ITGA11: variants seen among roughly 807,000 people sequenced by gnomAD.
ITGA11 encodes integrin subunit alpha 11.
In ITGA11, 97 loss-of-function variants were observed where a neutral mutation model predicts 141.9. The observed-to-expected ratio is 0.68, with a 90% confidence interval of 0.58 to 0.81. The LOEUF is 0.81. Among genes scored for constraint, ITGA11 ranks in the 30% least tolerant of loss-of-function variants. The pLI is 0.00. For synonymous variants in ITGA11, 658 were observed against 624.6 expected (o/e 1.05, Z -0.80); for missense variants, 1,387 against 1,559.2 (o/e 0.89, Z 1.86).
intron 16 of ITGA11, 109 bp downstream of exon 16, chr15:68,327,987 G>A (rs1282684834): frequency 1.3e-5 from 14 of 1,108,914 alleles, no homozygotes; most frequent in South Asian, 8.0e-5. Context: ...GCTCTTGGGC[G>A]ACCTGGCACT....
Position 68,321,807 on chromosome 15 carries a change from G to A in ITGA11, c.2323-304C>T, listed in dbSNP as rs957863997. Among the ~76,000 whole-genome samples the A allele has an allele frequency of 6.6e-6, 1 of 152,176 alleles. No individual in the cohort carries two copies. Among genetic ancestry groups the A allele is most frequent in the African/African-American group, 2.4e-5 (1 of 41,422 alleles). On this transcript the variant is annotated intron_variant, in intron 18 of 29. Transcript: ENST00000315757. The surrounding 1 kb of genome is among the most constrained non-coding windows in gnomAD (Gnocchi z 4.9). ...ATTTATTGATCATCTACTGTGTGTGGGCAAGGGCTTTGGTACTGGGGATAC... is the reference window on the plus strand; with the variant it reads ...ATTTATTGATCATCTACTGTGTGTGAGCAAGGGCTTTGGTACTGGGGATAC...
chr15:68,343,646 C>T (rs931430580), intron 10 of ITGA11, among the ~76,000 whole-genome samples: 1 of 152,122 alleles, frequency 6.6e-6, no homozygotes, highest in African/African-American at 2.4e-5. Flanking sequence ...TGGGAGACCC[C>T]TAGAGGACAC....
At chr15:68,329,554 T>C (rs1894087664) in intron 15 of ITGA11, among the ~76,000 whole-genome samples, 1 of 152,242 alleles carries the variant, frequency 6.6e-6, no homozygotes, top group African/African-American at 2.4e-5. Flanking sequence ...CAATCATTTC[T>C]GTGAGACCGA....
rs1894063389 is a variant in ITGA11, at chr15:68,328,766, A to G, written c.1902-504T>C. 6.6e-6 allele frequency among the ~76,000 whole-genome samples: 1 copy of G among 152,182 alleles called. No individual in the cohort carries two copies. The highest frequency in any genetic ancestry group is 1.5e-5 in the Non-Finnish European group (1 of 68,034). ...ATGTTAAAATGCAGATTTTGATCCAATAGCTTGGCACTGATTTTGCATTTC... is the reference window on the plus strand; with the variant it reads ...ATGTTAAAATGCAGATTTTGATCCAGTAGCTTGGCACTGATTTTGCATTTC... On this transcript the variant is annotated intron_variant, in intron 15 of 29. Coordinates refer to ENST00000315757, the MANE Select transcript of ITGA11 (RefSeq NM_001004439.2). This position sits in a 1 kb window ranked among gnomAD's most constrained non-coding sequence, Gnocchi z 4.8.
intron 2 of ITGA11, among the ~76,000 whole-genome samples, chr15:68,385,928 G>A (rs1469213836): frequency 6.6e-6 from 1 of 152,136 alleles, no homozygotes; most frequent in Non-Finnish European, 1.5e-5. Flanking sequence ...CAGCCCTAAA[G>A]GCCAACCCCA....
chr15:68,376,385 T>TATTCC (rs1895729625), intron 2 of ITGA11, among the ~76,000 whole-genome samples: 1 of 152,236 alleles, frequency 6.6e-6, no homozygotes, highest in Non-Finnish European at 1.5e-5. Context: ...CCTCAAGTAC[T>TATTCC]TTGTAGTGTC....
intron 2 of ITGA11, among the ~76,000 whole-genome samples, chr15:68,393,927 G>A (rs1008605576): frequency 6.6e-6 from 1 of 152,138 alleles, no homozygotes; most frequent in Non-Finnish European, 1.5e-5. Flanking sequence ...GGACAGGACA[G>A]GGGACTGGAA....
chr15:68,425,155 G>A (rs1478129369), intron 1 of ITGA11, among the ~76,000 whole-genome samples: 1 of 152,226 alleles, frequency 6.6e-6, no homozygotes, highest in African/African-American at 2.4e-5. Flanking sequence ...TCTGTAAAGT[G>A]GGATCATGGT....
At chr15:68,401,267 A>G (rs1399206102) in intron 2 of ITGA11, among the ~76,000 whole-genome samples, 2 of 152,086 alleles carry the variant, frequency 1.3e-5, no homozygotes, top group African/African-American at 4.8e-5. Context: ...GAGAGTTTAA[A>G]TTGGTAAACC....
At position 68,311,032 on chromosome 15, in the gene ITGA11, T is replaced by C; in HGVS notation, c.3136A>G (p.Thr1046Ala). 6.2e-7 allele frequency: 1 copy of C among 1,607,144 alleles called. No individual in the cohort carries two copies. The highest frequency in any genetic ancestry group is 1.1e-5 in the South Asian group (1 of 89,426). The change falls in exon 26 of 30, where the codon ACC becomes GCC. Residue 1046 changes from threonine (T) to alanine (A), a missense_variant. Thr to Ala is a moderately conservative substitution (Grantham distance 58). Transcript: ENST00000315757. ...IWGNSTEYRP[T>A]PVEEDLRRAP... ...CGACGCAAGTCTTCCTCCACTGGGG[T>C]GGGCCGGTACTCAGTGCTATTGCCC... is the stretch of plus-strand genomic sequence containing the variant.
Position 68,303,146 on chromosome 15 carries a change from G to T in ITGA11, c.3496-16C>A. On this transcript the variant is annotated splice_polypyrimidine_tract_variant and intron_variant, in intron 29 of 29. Coordinates refer to ENST00000315757, the MANE Select transcript of ITGA11 (RefSeq NM_001004439.2). The surrounding 1 kb of genome is among the most constrained non-coding windows in gnomAD (Gnocchi z 5.3). Reference sequence around the variant, plus strand: ...AGAAGCCGAGCTGTGAGGAGGCAAAGGGAGACGTCTCAGAGGAGGACAGGG... The same window carrying T: ...AGAAGCCGAGCTGTGAGGAGGCAAATGGAGACGTCTCAGAGGAGGACAGGG... The T allele has an allele frequency of 6.5e-7, 1 of 1,550,222 alleles. No individual in the cohort carries two copies. Among genetic ancestry groups the T allele is most frequent in the South Asian group, 1.2e-5 (1 of 83,950 alleles).
At chr15:68,416,655 G>T (rs750182429) in intron 1 of ITGA11, among the ~76,000 whole-genome samples, 16 of 152,188 alleles carry the variant, frequency 1.1e-4, no homozygotes, top group Non-Finnish European at 1.5e-4. Flanking sequence ...GCTGGGTGCG[G>T]TGGCTCACAC....
At chr15:68,403,376 G>T (rs150314405) in intron 1 of ITGA11, among the ~76,000 whole-genome samples, 23 of 152,272 alleles carry the variant, frequency 1.5e-4, no homozygotes, top group African/African-American at 5.3e-4. Flanking sequence ...CTCATGAATT[G>T]CTTGGTGCCA....
chr15:68,324,660 C>T lies in ITGA11; in HGVS notation c.2322+471G>A, dbSNP rs989755934. On this transcript the variant is annotated intron_variant, in intron 18 of 29. Transcript: ENST00000315757. This position sits in a 1 kb window ranked among gnomAD's most constrained non-coding sequence, Gnocchi z 6.3. ...CGCTTCTTTTTGGAATGCTTAGGAC[C>T]GCTGTCAGTCAGTTAAAACACTTCT... Among the ~76,000 whole-genome samples the T allele has an allele frequency of 2.0e-5, 3 of 151,968 alleles. No individual in the cohort carries two copies. The highest frequency in any genetic ancestry group is 2.9e-5 in the Non-Finnish European group (2 of 68,022).
chr15:68,333,365 T>C lies in ITGA11; in HGVS notation c.1426-887A>G, dbSNP rs1194508624. ...ATCCTCCCACCTCAGCCTCTCAAAG[T>C]GCTGGGATTACAGGTGTAAGCCACT... On this transcript the variant is annotated intron_variant, in intron 12 of 29. Coordinates refer to ENST00000315757, the MANE Select transcript of ITGA11 (RefSeq NM_001004439.2). The surrounding 1 kb of genome is among the most constrained non-coding windows in gnomAD (Gnocchi z 4.2). Among the ~76,000 whole-genome samples the C allele has an allele frequency of 6.6e-6, 1 of 152,208 alleles. No individual in the cohort carries two copies. The highest frequency in any genetic ancestry group is 1.5e-5 in the Non-Finnish European group (1 of 68,036).
At chr15:68,351,840 TG>T (rs1894920633) in intron 7 of ITGA11, among the ~76,000 whole-genome samples, 1 of 151,942 alleles carries the variant, frequency 6.6e-6, no homozygotes, top group African/African-American at 2.4e-5. Flanking sequence ...CCTAGCACTG[TG>T]GGAGCCGAAG....
intron 10 of ITGA11, chr15:68,340,934 G>A (rs578258081): frequency 6.6e-6 from 1 of 152,380 alleles, no homozygotes; most frequent in South Asian, 2.1e-4. Context: ...GGTGGGGGCA[G>A]ACTGTCTGGA....
intron 1 of ITGA11, among the ~76,000 whole-genome samples, chr15:68,407,242 G>A (rs552122459): frequency 2.5e-4 from 38 of 152,228 alleles, no homozygotes; most frequent in African/African-American, 8.7e-4. Context: ...GGGAAGGTGG[G>A]ACTAGTCCTA....
chr15:68,405,159 C>CGTTTTTTTTTTTTTTT (rs10647873), intron 1 of ITGA11, among the ~76,000 whole-genome samples: 1 of 118,942 alleles, frequency 8.4e-6, no homozygotes. Context: ...CACTGTCTCC[C>CGTTTTTTTTTTTTTTT]TTTTTTTTTT....
Sources: allele counts gnomAD v4.1 joint callset (sites outside exome capture counted in the v4.1 genomes callset), GRCh38; gene constraint gnomAD v4.1.1; non-coding constraint Gnocchi (gnomAD v3.1); transcripts MANE v1.5; gene names NCBI Gene and HGNC (gene_info 2026-07-23, HGNC 2026-07-21).